GALNT1: variants seen among roughly 807,000 people sequenced by gnomAD.
The protein encoded by GALNT1 is GalNAc transferase 1.
GALNT1 carries 17 observed loss-of-function variants against 65.7 expected under a neutral mutation model. That is an observed-to-expected ratio of 0.26 (90% CI 0.18 to 0.39). The LOEUF (loss-of-function observed/expected upper bound fraction) is 0.39, where lower values mean the gene tolerates loss of function less well. GALNT1 is among the 10% of genes least tolerant of loss of function. GALNT1 has a pLI of 1.00. For missense variants in GALNT1, 460 were observed against 672.8 expected (o/e 0.68, Z 3.50); for synonymous variants, 210 against 219.7 (o/e 0.96, Z 0.39).
At chr18:35,630,119 C>G (rs1287181305) in intron 1 of GALNT1, among the ~76,000 whole-genome samples, 1 of 152,016 alleles carries the variant, frequency 6.6e-6, no homozygotes, top group Non-Finnish European at 1.5e-5. Flanking sequence ...CTTTAACACC[C>G]CACTGTCAAC....
At chr18:35,642,619 A>G (rs534735266) in intron 1 of GALNT1, among the ~76,000 whole-genome samples, 25 of 152,252 alleles carry the variant, frequency 1.6e-4, no homozygotes, top group African/African-American at 5.8e-4. Context: ...TTGATATTTT[A>G]TAAGTTTTTG....
chr18:35,589,882 A>C (rs1417853281), intron 1 of GALNT1, among the ~76,000 whole-genome samples: 2 of 152,246 alleles, frequency 1.3e-5, no homozygotes, highest in African/African-American at 4.8e-5. Flanking sequence ...CATTTCAAAA[A>C]TTATTGGATT....
chr18:35,621,237 A>ATCTGAATATTTCTTCCCG (rs1176006185), intron 1 of GALNT1, among the ~76,000 whole-genome samples: 3 of 149,494 alleles, frequency 2.0e-5, no homozygotes, highest in South Asian at 2.1e-4. Flanking sequence ...GGAGTGCAGT[A>ATCTGAATATTTCTTCCCG]GTGGGATCAC....
intron 4 of GALNT1, among the ~76,000 whole-genome samples, chr18:35,680,161 A>G (rs1212903705): frequency 6.6e-6 from 1 of 152,022 alleles, no homozygotes; most frequent in Admixed American, 6.5e-5. Context: ...AAAGAATATC[A>G]TCCTTCTTCC....
intron 3 of GALNT1, among the ~76,000 whole-genome samples, chr18:35,666,940 T>C (rs2047557454): frequency 6.7e-6 from 1 of 148,192 alleles, no homozygotes; most frequent in Non-Finnish European, 1.5e-5. Context: ...CTGATAACCT[T>C]TTTTAAAAAA....
At chr18:35,632,057 A>G (rs1489429079) in intron 1 of GALNT1, among the ~76,000 whole-genome samples, 2 of 152,228 alleles carry the variant, frequency 1.3e-5, no homozygotes, top group East Asian at 1.9e-4. Flanking sequence ...AGAGGATACA[A>G]ACAAATGGAA....
chr18:35,662,357 A>G (rs572679263), intron 2 of GALNT1, among the ~76,000 whole-genome samples: 20 of 152,322 alleles, frequency 1.3e-4, no homozygotes, highest in East Asian at 7.7e-4. Flanking sequence ...TAAAATCCCA[A>G]TTTATCCTGA....
chr18:35,625,592 G>A (rs762379452), intron 1 of GALNT1, among the ~76,000 whole-genome samples: 93 of 152,242 alleles, frequency 6.1e-4, no homozygotes, highest in Non-Finnish European at 1.1e-3. Context: ...GATGGTAAAG[G>A]AAGAACAAAT....
intron 7 of GALNT1, among the ~76,000 whole-genome samples, chr18:35,689,655 T>C (rs149081955): frequency 1.3e-5 from 2 of 152,314 alleles, no homozygotes; most frequent in East Asian, 3.9e-4. Context: ...ATTTCACATT[T>C]TGTAATATGC....
Position 35,692,300 on chromosome 18 carries a change from C to T in GALNT1, c.1279C>T (p.His427Tyr). The T allele has an allele frequency of 6.3e-7, 1 of 1,579,132 alleles. No homozygotes were observed. The highest frequency in any genetic ancestry group is 1.1e-5 in the South Asian group (1 of 89,160). The change falls in exon 9 of 12, where the codon CAC (histidine) becomes TAC (tyrosine). Residue 427 changes from histidine to tyrosine, a missense_variant. Transcript: ENST00000269195. ...ATATCCTGATTCTCAAATTCCACGT[C>T]ACTATTTCTCATTGGGAGAGGTAAG... ...NIYPDSQIPRHYFSLGEIRNV... is the reference protein window; with the variant it reads ...NIYPDSQIPRYYFSLGEIRNV...
intron 1 of GALNT1, among the ~76,000 whole-genome samples, chr18:35,586,127 C>A (rs1314997090): frequency 6.6e-6 from 1 of 152,190 alleles, no homozygotes; most frequent in Non-Finnish European, 1.5e-5. Flanking sequence ...CCTGGCCTGT[C>A]ACCATTTAGC....
chr18:35,671,792 T>C (rs1204810799), intron 3 of GALNT1, among the ~76,000 whole-genome samples: 2 of 152,212 alleles, frequency 1.3e-5, no homozygotes, highest in Non-Finnish European at 2.9e-5. Context: ...TGTCAAGGTG[T>C]AGATTTATCT....
intron 1 of GALNT1, among the ~76,000 whole-genome samples, chr18:35,584,174 G>C (rs1206945180): frequency 1.3e-5 from 2 of 152,168 alleles, no homozygotes; most frequent in Non-Finnish European, 2.9e-5. Context: ...GGCTTTCTTT[G>C]ATGGACAGCT....
At chr18:35,649,055 A>AT (rs1386318680) in intron 1 of GALNT1, among the ~76,000 whole-genome samples, 2 of 152,222 alleles carry the variant, frequency 1.3e-5, no homozygotes, top group African/African-American at 4.8e-5. Flanking sequence ...AAAGATGTGC[A>AT]TACAGGGCTG....
intron 3 of GALNT1, among the ~76,000 whole-genome samples, chr18:35,665,407 TAGG>T (rs1328850878): frequency 1.3e-5 from 2 of 152,138 alleles, no homozygotes; most frequent in Admixed American, 1.3e-4. Context: ...ATTTTAATAA[TAGG>T]AGTCTCAAAA....
chr18:35,647,963 C>T (rs973477373), intron 1 of GALNT1, among the ~76,000 whole-genome samples: 1 of 151,544 alleles, frequency 6.6e-6, no homozygotes, highest in Non-Finnish European at 1.5e-5. Flanking sequence ...GGGTGGATCA[C>T]TTGAGACCAG....
rs540484651 is a variant in GALNT1, at chr18:35,692,062, T to C, written c.1160-119T>C. The C allele has an allele frequency of 1.3e-5, 10 of 787,238 alleles. No individual in the cohort carries two copies. The South Asian group carries it at 1.3e-4, about 10-fold the overall frequency. 48.8% of individuals were successfully genotyped at this position (787,238 alleles called of 1,614,324 possible). A position where few individuals can be genotyped will look rare whatever the true frequency, so the allele number is the denominator to read the frequency against. On this transcript the variant is annotated intron_variant, in intron 8 of 11. Transcript: ENST00000269195. Reference sequence around the variant, plus strand: ...ATTCATGGTGTCTCCACTTGTATAGTCACATATCACCCAGCTGATACCACT... The same window carrying C: ...ATTCATGGTGTCTCCACTTGTATAGCCACATATCACCCAGCTGATACCACT...
chr18:35,629,965 A>C (rs1219582654), intron 1 of GALNT1, among the ~76,000 whole-genome samples: 1 of 152,242 alleles, frequency 6.6e-6, no homozygotes, highest in East Asian at 1.9e-4. Context: ...AAAGAAGGCC[A>C]TTACATAATG....
intron 9 of GALNT1, among the ~76,000 whole-genome samples, chr18:35,697,786 C>T (rs2048083549): frequency 6.6e-6 from 1 of 152,346 alleles, no homozygotes. Flanking sequence ...TTGTTTCTAA[C>T]AGCTCCTCAC....
Sources: allele counts gnomAD v4.1 joint callset (sites outside exome capture counted in the v4.1 genomes callset), GRCh38; gene constraint gnomAD v4.1.1; transcripts MANE v1.5; gene names NCBI Gene and HGNC (gene_info 2026-07-23, HGNC 2026-07-21).